MAP3K7CL: variants seen among roughly 807,000 people sequenced by gnomAD.
The protein encoded by MAP3K7CL is MAP3K7 C-terminal-like protein.
Under a neutral mutation model 18.6 loss-of-function variants are expected in MAP3K7CL, and 16 were observed. The ratio of observed to expected loss-of-function variants is 0.86; its 90% CI spans 0.58 to 1.31. MAP3K7CL has a LOEUF of 1.31. Among genes scored for constraint, MAP3K7CL ranks in the 50% most tolerant of loss-of-function variants. The pLI, the probability that MAP3K7CL is intolerant of heterozygous loss-of-function variation, is 0.00. For synonymous variants in MAP3K7CL, 65 were observed against 66.8 expected (o/e 0.97, Z 0.13); for missense variants, 163 against 174.4 (o/e 0.93, Z 0.37).
intron 3 of MAP3K7CL, among the ~76,000 whole-genome samples, chr21:29,157,177 A>C (rs2087427183): frequency 6.6e-6 from 1 of 152,188 alleles, no homozygotes; most frequent in African/African-American, 2.4e-5. Flanking sequence ...CTAAGTGTAC[A>C]GTTTGGTAGT....
chr21:29,117,938 G>C (rs979022299), intron 4 of MAP3K7CL, among the ~76,000 whole-genome samples: 4 of 151,718 alleles, frequency 2.6e-5, no homozygotes, highest in African/African-American at 9.7e-5. Flanking sequence ...ATGTATTTTT[G>C]GTTTGTTACA....
At chr21:29,160,373 T>G (rs1237644561) in intron 4 of MAP3K7CL, among the ~76,000 whole-genome samples, 1 of 152,250 alleles carries the variant, frequency 6.6e-6, no homozygotes, top group Non-Finnish European at 1.5e-5. Flanking sequence ...TGGCTTGGTG[T>G]GAATTTTAAT....
At chr21:29,153,123 A>G (rs1290643541) in intron 3 of MAP3K7CL, among the ~76,000 whole-genome samples, 1 of 152,252 alleles carries the variant, frequency 6.6e-6, no homozygotes, top group Non-Finnish European at 1.5e-5. Flanking sequence ...GAAGCCAAAA[A>G]AAGCCTTGTG....
chr21:29,118,653 G>A (rs1355941987), intron 4 of MAP3K7CL, among the ~76,000 whole-genome samples: 2 of 152,330 alleles, frequency 1.3e-5, no homozygotes, highest in East Asian at 3.9e-4. Context: ...CACAAAGTTG[G>A]CAATGAGGCC....
intron 4 of MAP3K7CL, among the ~76,000 whole-genome samples, chr21:29,101,440 C>T (rs899947824): frequency 6.6e-6 from 1 of 152,152 alleles, no homozygotes; most frequent in Non-Finnish European, 1.5e-5. Context: ...GACGGAGTCT[C>T]GCTCTGTCAC....
intron 4 of MAP3K7CL, among the ~76,000 whole-genome samples, chr21:29,113,086 C>T (rs925559505): frequency 1.3e-5 from 2 of 152,110 alleles, no homozygotes; most frequent in Non-Finnish European, 2.9e-5. Context: ...TGAGCCACTG[C>T]GCCCGGCCCC....
At chr21:29,144,268 G>A (rs900427860) in intron 2 of MAP3K7CL, among the ~76,000 whole-genome samples, 12 of 151,866 alleles carry the variant, frequency 7.9e-5, no homozygotes, top group Admixed American at 7.2e-4. Flanking sequence ...GGGTTCAAGC[G>A]ATTCTTCTGT....
upstream of MAP3K7CL, chr21:29,085,804 A>G: frequency 1.3e-6 from 2 of 1,559,160 alleles, no homozygotes; most frequent in South Asian, 2.2e-5. Flanking sequence ...AACTCTCTAT[A>G]TCCCCCAGGT....
chr21:29,143,614 G>A (rs995723513), intron 2 of MAP3K7CL, among the ~76,000 whole-genome samples: 4 of 151,856 alleles, frequency 2.6e-5, no homozygotes, highest in Admixed American at 2.0e-4. Context: ...GTAGAGACTG[G>A]GTTTCTCCAT....
At position 29,157,214 on chromosome 21, in the gene MAP3K7CL, A is replaced by G. The variant is rs2087428754; in HGVS notation, c.133-2727A>G. Among the ~76,000 whole-genome samples the G allele has an allele frequency of 2.0e-5, 3 of 152,196 alleles. No individual in the cohort carries two copies. In the South Asian group the frequency reaches 6.2e-4, roughly 31 times the overall value. ...TTAAGTATATTCACATTGTTGTGCA[A>G]CCGATCTCCAGAACTTTTTCATCTT... On this transcript the variant is annotated intron_variant, in intron 3 of 4. Coordinates refer to ENST00000399928, the MANE Select transcript of MAP3K7CL (RefSeq NM_001286620.2).
chr21:29,127,583 G>T (rs2086701168), upstream of MAP3K7CL: 3 of 152,264 alleles, frequency 2.0e-5, no homozygotes, highest in South Asian at 4.1e-4. Flanking sequence ...TTGAATTTAT[G>T]TTATCAGATT....
chr21:29,147,602 AT>A (rs1035414037), intron 2 of MAP3K7CL, among the ~76,000 whole-genome samples: 5 of 150,738 alleles, frequency 3.3e-5, no homozygotes, highest in African/African-American at 1.2e-4. Context: ...TACTGTATGT[AT>A]ATGTGTACTG....
intron 4 of MAP3K7CL, among the ~76,000 whole-genome samples, chr21:29,160,561 A>C (rs1199881758): frequency 6.6e-6 from 1 of 152,218 alleles, no homozygotes; most frequent in East Asian, 1.9e-4. Context: ...CTATTAATTA[A>C]AGCATTCTGA....
chr21:29,139,127 T>G (rs893008260), intron 2 of MAP3K7CL, among the ~76,000 whole-genome samples: 2 of 152,228 alleles, frequency 1.3e-5, no homozygotes, highest in Admixed American at 1.3e-4. Flanking sequence ...ATGTTTTGTG[T>G]GGTAGGGAGA....
intron 2 of MAP3K7CL, among the ~76,000 whole-genome samples, chr21:29,134,399 A>G (rs1173041188): frequency 6.6e-6 from 1 of 152,192 alleles, no homozygotes; most frequent in African/African-American, 2.4e-5. Flanking sequence ...TCATTCCAAA[A>G]TAATGCAAAG....
chr21:29,159,839 A>T (rs779470094), intron 3 of MAP3K7CL, 102 bp from the exon 4 acceptor site: 14 of 807,356 alleles, frequency 1.7e-5, no homozygotes, highest in Non-Finnish European at 2.6e-5. Context: ...AAAAAAAAAG[A>T]AGAAGAAAAA....
At chr21:29,113,312 G>C (rs992670923) in intron 4 of MAP3K7CL, among the ~76,000 whole-genome samples, 1 of 152,022 alleles carries the variant, frequency 6.6e-6, no homozygotes, top group African/African-American at 2.4e-5. Flanking sequence ...GGACCTCAAC[G>C]TGGCCTTCCT....
At position 29,130,645 on chromosome 21, in the gene MAP3K7CL, A is replaced by G; in HGVS notation, c.-318A>G. On this transcript the variant is annotated 5_prime_UTR_variant, in exon 1 of 5. Coordinates refer to ENST00000399928, the MANE Select transcript of MAP3K7CL (RefSeq NM_001286620.2). ...TGCTCTTGCTTTTTCTAGAAAGATG[A>G]CAACATCCTGGCTGTTAGAGAGGCA... 1 of 985,492 alleles carries G rather than the reference A, an allele frequency of 1.0e-6. No individual in the cohort carries two copies. Among genetic ancestry groups the G allele is most frequent in the Non-Finnish European group, 1.2e-6 (1 of 829,962 alleles). The allele number at this position is 985,492 out of a possible 1,614,324, so 61.0% of individuals were successfully genotyped here. A position where few individuals can be genotyped will look rare whatever the true frequency, so the allele number is the denominator to read the frequency against.
chr21:29,158,763 T>C (rs1043460664), intron 3 of MAP3K7CL, among the ~76,000 whole-genome samples: 4 of 146,398 alleles, frequency 2.7e-5, no homozygotes, highest in African/African-American at 1.1e-4. Flanking sequence ...ACATAGTTTA[T>C]ATATAGAGAG....
Sources: gnomAD v4.1 joint callset for allele counts (sites outside exome capture counted in the v4.1 genomes callset) on GRCh38, gnomAD v4.1.1 for gene constraint, MANE v1.5 for transcripts, NCBI Gene and HGNC (gene_info 2026-07-23, HGNC 2026-07-21) for gene names.